GTF2IRD1: variants seen among roughly 807,000 people sequenced by gnomAD.
The protein encoded by GTF2IRD1 is general transcription factor II-I repeat domain-containing protein 1.
In GTF2IRD1, 26 loss-of-function variants were observed where a neutral mutation model predicts 113.2. That is an observed-to-expected ratio of 0.23 (90% CI 0.17 to 0.32). GTF2IRD1 has a LOEUF of 0.32. GTF2IRD1 is among the 10% of genes least tolerant of loss of function. The pLI, the probability that GTF2IRD1 is intolerant of heterozygous loss-of-function variation, is 1.00. For missense variants in GTF2IRD1, 864 were observed against 1,280.8 expected, an observed-to-expected ratio of 0.67 and a Z score of 4.97; for synonymous variants, 484 against 529.1, an observed-to-expected ratio of 0.91 and a Z score of 1.17.
Position 74,602,547 on chromosome 7 carries a change from C to T in GTF2IRD1, c.*114C>T, listed in dbSNP as rs747703471. The T allele has an allele frequency of 1.4e-6, 1 of 697,806 alleles. No homozygotes were observed. The highest frequency in any genetic ancestry group is 2.8e-5 in the Admixed American group (1 of 35,292). 43.2% of individuals were successfully genotyped at this position (697,806 alleles called of 1,614,324 possible). A position where few individuals can be genotyped will look rare whatever the true frequency, so the allele number is the denominator to read the frequency against. ...CTTTTAGTTTTTCCAATGATTTTTA[C>T]ACTATATTCCTGCCACCAAGGCCTT... On this transcript the variant is annotated 3_prime_UTR_variant, in exon 27 of 27. Coordinates refer to ENST00000424337, the MANE Select transcript of GTF2IRD1 (RefSeq NM_005685.4).
At chr7:74,513,576 A>G (rs1562821466) in intron 3 of GTF2IRD1, among the ~76,000 whole-genome samples, 1 of 152,192 alleles carries the variant, frequency 6.6e-6, no homozygotes, top group Non-Finnish European at 1.5e-5. Context: ...AAGTGCTGGG[A>G]TTACAGATGT....
chr7:74,520,661 G>A (rs960840509), intron 6 of GTF2IRD1, among the ~76,000 whole-genome samples: 4 of 150,642 alleles, frequency 2.7e-5, no homozygotes, highest in Middle Eastern at 3.3e-3. Context: ...GCTGGGTCTT[G>A]CCAGGCATAC....
intron 1 of GTF2IRD1, among the ~76,000 whole-genome samples, chr7:74,499,194 C>T (rs1198350369): frequency 2.0e-5 from 3 of 152,202 alleles, no homozygotes; most frequent in Non-Finnish European, 4.4e-5. Flanking sequence ...CCCAGCCTTG[C>T]CACGACCTAC....
chr7:74,468,122 G>T (rs1033228825), intron 1 of GTF2IRD1, among the ~76,000 whole-genome samples: 8 of 152,136 alleles, frequency 5.3e-5, no homozygotes, highest in Non-Finnish European at 1.0e-4. Flanking sequence ...CTGGTTAGTG[G>T]TAAAGAGGGG....
At chr7:74,596,844 C>T (rs1382225300) in intron 25 of GTF2IRD1, among the ~76,000 whole-genome samples, 1 of 152,068 alleles carries the variant, frequency 6.6e-6, no homozygotes, top group Non-Finnish European at 1.5e-5. Context: ...TGCTTCAGTT[C>T]TGAGATCAGG....
intron 1 of GTF2IRD1, among the ~76,000 whole-genome samples, chr7:74,480,290 G>T (rs1191460944): frequency 6.6e-6 from 1 of 152,056 alleles, no homozygotes; most frequent in Non-Finnish European, 1.5e-5. Flanking sequence ...TGAGCTGGTG[G>T]CTGTGTCCCC....
chr7:74,494,323 C>T (rs1481901978), intron 1 of GTF2IRD1, among the ~76,000 whole-genome samples: 1 of 152,182 alleles, frequency 6.6e-6, no homozygotes, highest in African/African-American at 2.4e-5. Flanking sequence ...ACTTGCTGGC[C>T]CGGGGCCTGA....
intron 17 of GTF2IRD1, among the ~76,000 whole-genome samples, chr7:74,550,064 G>A (rs1177369161): frequency 6.6e-6 from 1 of 151,720 alleles, no homozygotes; most frequent in East Asian, 1.9e-4. Context: ...CAGGCATGGT[G>A]GCATGCACCT....
chr7:74,476,928 A>G (rs1794446969), intron 1 of GTF2IRD1, among the ~76,000 whole-genome samples: 1 of 152,178 alleles, frequency 6.6e-6, no homozygotes, highest in Non-Finnish European at 1.5e-5. Flanking sequence ...GAAAATGAGC[A>G]CTTAGTCAGC....
In GTF2IRD1 at chr7:74,501,263, G is replaced by T. The variant is rs143327761; in HGVS notation, c.-6-6812G>T. The stretch of plus-strand genomic sequence containing the variant: ...GTGTCATCATTCCACGGGGGAAGGG[G>T]CTTGAAGGCTGCGTTGTGGGGTGAT... On this transcript the variant is annotated intron_variant, in intron 1 of 26. Transcript: ENST00000424337. Among the ~76,000 whole-genome samples the T allele has an allele frequency of 1.1e-3, 166 of 152,328 alleles. 1 individual carries two copies. The highest frequency in any genetic ancestry group is 1.5e-3 in the Non-Finnish European group (104 of 68,036).
chr7:74,493,913 C>T (rs1795504287), intron 1 of GTF2IRD1, among the ~76,000 whole-genome samples: 1 of 151,996 alleles, frequency 6.6e-6, no homozygotes, highest in East Asian at 1.9e-4. Flanking sequence ...GAGATGGGGT[C>T]TTGCCATATT....
chr7:74,516,212 C>G (rs1554344586), intron 4 of GTF2IRD1, among the ~76,000 whole-genome samples: 1 of 152,246 alleles, frequency 6.6e-6, no homozygotes, highest in Admixed American at 6.5e-5. Flanking sequence ...CACTGAGGCT[C>G]TGCTCCTGGA....
chr7:74,542,238 AC>A (rs1356301473), intron 14 of GTF2IRD1, among the ~76,000 whole-genome samples: 1 of 152,074 alleles, frequency 6.6e-6, no homozygotes, highest in Non-Finnish European at 1.5e-5. Flanking sequence ...TGCTAAAAAG[AC>A]CAAAAAAAAA....
intron 1 of GTF2IRD1, among the ~76,000 whole-genome samples, chr7:74,469,966 A>G (rs1554331908): frequency 2.0e-5 from 3 of 152,218 alleles, no homozygotes; most frequent in African/African-American, 7.2e-5. Flanking sequence ...TTATTATGAT[A>G]TCATTATACC....
Position 74,546,998 on chromosome 7 carries a change from A to G in GTF2IRD1, c.1733-105A>G, listed in dbSNP as rs868907641. 124 of 1,041,864 alleles carry G rather than the reference A, an allele frequency of 1.2e-4. No homozygotes were observed. In the Middle Eastern group the frequency reaches 1.3e-3, roughly 11 times the overall value. 64.5% of individuals were successfully genotyped at this position (1,041,864 alleles called of 1,614,324 possible). On this transcript the variant is annotated intron_variant, in intron 16 of 26. Coordinates refer to ENST00000424337, the MANE Select transcript of GTF2IRD1 (RefSeq NM_005685.4). The stretch of plus-strand genomic sequence containing the variant: ...TCCCAGGAAAGCTGGCAGGCCCTCA[A>G]AAGGGCTCTGGCAGCTTTGCCCCCC...
chr7:74,489,905 A>G (rs1795237104), intron 1 of GTF2IRD1, among the ~76,000 whole-genome samples: 1 of 152,128 alleles, frequency 6.6e-6, no homozygotes, highest in African/African-American at 2.4e-5. Context: ...TTCTGTTAGC[A>G]GGGAGTGGGG....
At chr7:74,586,561 C>G (rs1554367886) in intron 22 of GTF2IRD1, among the ~76,000 whole-genome samples, 1 of 152,180 alleles carries the variant, frequency 6.6e-6, no homozygotes, top group African/African-American at 2.4e-5. Flanking sequence ...GTGGACGGAC[C>G]AGGCCAGGGA....
At chr7:74,596,962 A>G (rs1802455078) in intron 25 of GTF2IRD1, among the ~76,000 whole-genome samples, 1 of 152,088 alleles carries the variant, frequency 6.6e-6, no homozygotes, top group South Asian at 2.1e-4. Flanking sequence ...CTGAGGCTGG[A>G]GGATCACTTG....
intron 3 of GTF2IRD1, among the ~76,000 whole-genome samples, chr7:74,513,876 G>A (rs1433007247): frequency 6.6e-6 from 1 of 152,118 alleles, no homozygotes; most frequent in Non-Finnish European, 1.5e-5. Flanking sequence ...AACCAGGCTT[G>A]ATGGTGTACA....
Sources: allele counts gnomAD v4.1 joint callset (sites outside exome capture counted in the v4.1 genomes callset), GRCh38; gene constraint gnomAD v4.1.1; transcripts MANE v1.5; gene names NCBI Gene and HGNC (gene_info 2026-07-23, HGNC 2026-07-21).